Variants in DOCK1 observed in about 807,000 individuals in gnomAD.
DOCK1 encodes dedicator of cytokinesis 1, also known as dedicator of cytokinesis protein 1.
Under a neutral mutation model 262.7 loss-of-function variants are expected in DOCK1, and 138 were observed. The observed-to-expected ratio is 0.53, with a 90% CI of 0.46 to 0.61. DOCK1 has a LOEUF of 0.61. DOCK1 is among the 20% of genes least tolerant of loss of function. The pLI is 0.00. For missense variants in DOCK1, 1,908 were observed against 2,370.7 expected (o/e 0.80, Z 4.05); for synonymous variants, 866 against 867.4 (o/e 1.00, Z 0.03).
intron 32 of DOCK1, among the ~76,000 whole-genome samples, chr10:127,355,021 A>G (rs1257461280): frequency 6.6e-6 from 1 of 152,194 alleles, no homozygotes; most frequent in African/African-American, 2.4e-5. Flanking sequence ...TCCCTCCCTC[A>G]GTTGCCTCAG....
intron 27 of DOCK1, among the ~76,000 whole-genome samples, chr10:127,206,496 C>A (rs529776377): frequency 6.6e-6 from 1 of 152,206 alleles, no homozygotes; most frequent in African/African-American, 2.4e-5. Context: ...TTACTTAATA[C>A]GCTATCAATG....
chr10:127,094,551 G>C (rs1339142989), intron 23 of DOCK1, among the ~76,000 whole-genome samples: 1 of 152,322 alleles, frequency 6.6e-6, no homozygotes, highest in East Asian at 1.9e-4. Flanking sequence ...GCCTGGGACA[G>C]CGAGGCAGCT....
intron 27 of DOCK1, among the ~76,000 whole-genome samples, chr10:127,157,957 A>G (rs1367710109): frequency 6.6e-6 from 1 of 152,242 alleles, no homozygotes; most frequent in African/African-American, 2.4e-5. Context: ...AAATTTTATT[A>G]AGCACGAGAG....
intron 27 of DOCK1, among the ~76,000 whole-genome samples, chr10:127,212,060 A>G (rs1010625795): frequency 5.3e-5 from 8 of 152,206 alleles, no homozygotes; most frequent in Non-Finnish European, 1.2e-4. Context: ...AGCATATATT[A>G]CAAAATTATT....
intron 38 of DOCK1, among the ~76,000 whole-genome samples, chr10:127,387,446 C>T (rs1020877913): frequency 1.3e-5 from 2 of 152,188 alleles, no homozygotes; most frequent in Admixed American, 6.5e-5. Flanking sequence ...TAGAGGACCA[C>T]GCGTGCATGG....
intron 23 of DOCK1, among the ~76,000 whole-genome samples, chr10:127,099,769 G>A (rs555874677): frequency 6.6e-5 from 10 of 152,288 alleles, no homozygotes; most frequent in African/African-American, 2.4e-4. Context: ...TCACGTTTCA[G>A]CATGAGAGAT....
At chr10:127,376,878 C>T (rs2065524744) in intron 35 of DOCK1, among the ~76,000 whole-genome samples, 1 of 152,164 alleles carries the variant, frequency 6.6e-6, no homozygotes, top group Non-Finnish European at 1.5e-5. Context: ...GCTCTTACTA[C>T]CTGAATCTAG....
intron 11 of DOCK1, among the ~76,000 whole-genome samples, chr10:127,010,938 A>T (rs2041385797): frequency 6.6e-6 from 1 of 152,206 alleles, no homozygotes; most frequent in Admixed American, 6.5e-5. Flanking sequence ...AGTCAAAAAC[A>T]AAAACAAAAA....
chr10:127,305,218 C>A (rs893896698), intron 29 of DOCK1, among the ~76,000 whole-genome samples: 4 of 152,042 alleles, frequency 2.6e-5, no homozygotes, highest in Non-Finnish European at 5.9e-5. Flanking sequence ...TTCATTTTCT[C>A]ATGTCACATT....
chr10:126,988,497 A>G (rs1452616493), intron 5 of DOCK1: 2 of 152,230 alleles, frequency 1.3e-5, no homozygotes, highest in African/African-American at 2.4e-5. Flanking sequence ...AAACGTACTG[A>G]AAAACCTAAA....
At chr10:127,337,149 C>T (rs537692716) in intron 29 of DOCK1, among the ~76,000 whole-genome samples, 6 of 152,102 alleles carry the variant, frequency 3.9e-5, no homozygotes, top group Non-Finnish European at 8.8e-5. Flanking sequence ...TTATGCATCA[C>T]GGCACAGCCC....
intron 30 of DOCK1, among the ~76,000 whole-genome samples, chr10:127,342,089 TTGTTGTTGCTGCTGCTGCTGCTGC>T (rs67736903): frequency 0.13 from 19,227 of 151,270 alleles, 1,360 homozygotes; most frequent in East Asian, 0.24. Context: ...GCTGTTGCTG[TTGTTGTTGCTGCTGCTGCTGCTGC>T]TGTTGTTGTT....
chr10:127,302,739 GGGGTGTGTGTGTGTGT>G (rs1357375691), intron 29 of DOCK1, among the ~76,000 whole-genome samples: 56 of 124,614 alleles, frequency 4.5e-4, no homozygotes, highest in Middle Eastern at 4.4e-3. Context: ...TGGAAAAGAG[GGGGTGTGTGTGTGTGT>G]GTGTGTGTGT....
At chr10:126,969,956 A>G (rs1311006844) in intron 1 of DOCK1, among the ~76,000 whole-genome samples, 1 of 152,136 alleles carries the variant, frequency 6.6e-6, no homozygotes, top group Non-Finnish European at 1.5e-5. Flanking sequence ...GCTATATCCT[A>G]TTAGGTAGAG....
intron 28 of DOCK1, among the ~76,000 whole-genome samples, chr10:127,254,103 C>G (rs1240138946): frequency 6.6e-6 from 1 of 152,110 alleles, no homozygotes; most frequent in African/African-American, 2.4e-5. Context: ...GAGAATTCAG[C>G]AACAACCCCT....
intron 29 of DOCK1, among the ~76,000 whole-genome samples, chr10:127,299,460 GAC>G (rs1465635986): frequency 2.0e-5 from 3 of 152,206 alleles, no homozygotes; most frequent in Middle Eastern, 3.2e-3. Context: ...AGAAGACACA[GAC>G]ACACAGGAAA....
chr10:127,140,077 C>G (rs973210026), intron 27 of DOCK1, among the ~76,000 whole-genome samples: 1 of 152,076 alleles, frequency 6.6e-6, no homozygotes, highest in Non-Finnish European at 1.5e-5. Context: ...TTCTCCAGAT[C>G]GTAACCGTTT....
chr10:127,204,371 C>T (rs2057616839), intron 27 of DOCK1, among the ~76,000 whole-genome samples: 1 of 152,320 alleles, frequency 6.6e-6, no homozygotes, highest in South Asian at 2.1e-4. Flanking sequence ...ACTGCAACCT[C>T]TGCCTGCCAG....
intron 6 of DOCK1, 144 bp from the exon 7 acceptor site, chr10:126,996,604 A>G (rs1304348365): frequency 1.4e-6 from 1 of 709,618 alleles, no homozygotes; most frequent in East Asian, 3.1e-5. Flanking sequence ...AGCAGCCTCC[A>G]AGAATTTTAT....
Sources: gnomAD v4.1 joint callset for allele counts (sites outside exome capture counted in the v4.1 genomes callset) on GRCh38, gnomAD v4.1.1 for gene constraint, MANE v1.5 for transcripts, NCBI Gene and HGNC (gene_info 2026-07-23, HGNC 2026-07-21) for gene names.